ARNT2: variants seen among roughly 807,000 people sequenced by gnomAD.
ARNT2 encodes ARNT protein 2.
Under a neutral mutation model 91.7 loss-of-function variants are expected in ARNT2, and 36 were observed. The observed-to-expected ratio is 0.39, with a 90% CI of 0.30 to 0.52. ARNT2 has a LOEUF of 0.52. Among genes scored for constraint, ARNT2 ranks in the 20% least tolerant of loss-of-function variants. The probability of loss-of-function intolerance (pLI) is 0.72; values close to 1 mark genes in which losing one functional copy is unlikely to be tolerated. For missense variants in ARNT2, 775 were observed against 939.3 expected, an observed-to-expected ratio of 0.83 and a Z score of 2.29; for synonymous variants, 365 against 347.1, an observed-to-expected ratio of 1.05 and a Z score of -0.57.
chr15:80,470,796 A>G (rs1342093332), intron 4 of ARNT2, among the ~76,000 whole-genome samples: 1 of 152,246 alleles, frequency 6.6e-6, no homozygotes, highest in African/African-American at 2.4e-5. Context: ...ATCACTGATC[A>G]TTAGAGAAGT....
rs112351171 is a variant in ARNT2, at chr15:80,580,046, C to A, written c.1614-365C>A. The stretch of plus-strand genomic sequence containing the variant: ...ACAAAAGAGTGAGTGAACAGTGGGA[C>A]TGATTTTTATTCTAAGAAGCTTCTC... On this transcript the variant is annotated intron_variant, in intron 15 of 18. Transcript: ENST00000303329. 1.6e-3 allele frequency: 297 copies of A among 190,766 alleles called. 2 individuals carry two copies. The highest frequency in any genetic ancestry group is 6.2e-3 in the African/African-American group (273 of 43,854). The allele number at this position is 190,766 out of a possible 1,614,324, so 11.8% of individuals were successfully genotyped here.
intron 3 of ARNT2, among the ~76,000 whole-genome samples, chr15:80,469,525 A>G (rs989359291): frequency 2.0e-5 from 3 of 150,600 alleles, no homozygotes; most frequent in African/African-American, 7.3e-5. Flanking sequence ...ACATACTTAT[A>G]TTTATATATT....
intron 11 of ARNT2, chr15:80,560,077 C>T (rs1038222490): frequency 2.6e-5 from 4 of 152,370 alleles, no homozygotes; most frequent in African/African-American, 9.6e-5. Flanking sequence ...GTTCCAAACC[C>T]CATTTCCCTC....
At chr15:80,570,712 T>C (rs1898568274) in intron 12 of ARNT2, among the ~76,000 whole-genome samples, 1 of 152,180 alleles carries the variant, frequency 6.6e-6, no homozygotes, top group Non-Finnish European at 1.5e-5. Context: ...TAGAACCTTG[T>C]TCTTCCTGAG....
At chr15:80,551,403 A>C in intron 9 of ARNT2, 128 bp downstream of exon 9, 5 of 846,730 alleles carry the variant, frequency 5.9e-6, no homozygotes, top group Non-Finnish European at 7.4e-6. Flanking sequence ...TTCGTGTCTC[A>C]CTCTGTGGGA....
chr15:80,556,377 A>G (rs1898189653), intron 11 of ARNT2: 1 of 152,266 alleles, frequency 6.6e-6, no homozygotes, highest in Non-Finnish European at 1.5e-5. Context: ...AAACCACTTT[A>G]GTAGCCCAGG....
chr15:80,503,011 G>A (rs1897221812), intron 5 of ARNT2, among the ~76,000 whole-genome samples: 1 of 152,230 alleles, frequency 6.6e-6, no homozygotes, highest in Non-Finnish European at 1.5e-5. Context: ...GAAGGAGCCA[G>A]CCTTGGCTGG....
At chr15:80,546,423 C>G (rs564900265) in intron 8 of ARNT2, among the ~76,000 whole-genome samples, 21 of 152,304 alleles carry the variant, frequency 1.4e-4, no homozygotes, top group African/African-American at 4.6e-4. Flanking sequence ...AGGCACATTG[C>G]CGCTCTGAAT....
intron 8 of ARNT2, among the ~76,000 whole-genome samples, chr15:80,538,826 TC>T (rs1378457261): frequency 4.0e-5 from 6 of 151,672 alleles, no homozygotes; most frequent in African/African-American, 7.3e-5. Context: ...AAAGAGAAAA[TC>T]CCTGACAAGT....
chr15:80,584,229 C>A (rs944693468), intron 17 of ARNT2, among the ~76,000 whole-genome samples: 6 of 152,112 alleles, frequency 3.9e-5, no homozygotes, highest in African/African-American at 1.2e-4. Flanking sequence ...CCAGTGCAGG[C>A]AGAGGGGACC....
chr15:80,554,742 A>G (rs1348214506), intron 10 of ARNT2: 1 of 210,260 alleles, frequency 4.8e-6, no homozygotes, highest in African/African-American at 2.3e-5. Context: ...CTTTCTTTTT[A>G]TGTTATTAAA....
intron 11 of ARNT2, chr15:80,556,157 G>A (rs146213948): frequency 0.041 from 6,227 of 152,310 alleles, 154 homozygotes; most frequent in East Asian, 0.14. Flanking sequence ...GGGGGCGGGC[G>A]CCTGTAATCC....
At chr15:80,415,623 G>A (rs972531932) in intron 1 of ARNT2, among the ~76,000 whole-genome samples, 1 of 152,310 alleles carries the variant, frequency 6.6e-6, no homozygotes, top group East Asian at 1.9e-4. Flanking sequence ...GGAAGTCCAC[G>A]TGAGGGACGT....
chr15:80,514,471 G>A (rs1489654218), intron 8 of ARNT2, 66 bp downstream of exon 8: 1 of 1,361,836 alleles, frequency 7.3e-7, no homozygotes, highest in Non-Finnish European at 1.0e-6. Flanking sequence ...ATGGTGTCCT[G>A]TTAGAGAAGT....
At position 80,554,777 on chromosome 15, in the gene ARNT2, C is replaced by T. The variant is rs184854022; in HGVS notation, c.1090-288C>T. 6.6e-4 allele frequency: 202 copies of T among 304,292 alleles called. 3 individuals carry two copies. The East Asian group carries it at 9.9e-3, about 15-fold the overall frequency. The allele number at this position is 304,292 out of a possible 1,614,324, so 18.8% of individuals were successfully genotyped here. On this transcript the variant is annotated intron_variant, in intron 10 of 18. Coordinates refer to ENST00000303329, the MANE Select transcript of ARNT2 (RefSeq NM_014862.4). ...AGTATGTTTATTGCAGTTTGCCTCT[C>T]CAAGACAAACAAAAATAAAATTGCA...
At position 80,496,772 on chromosome 15, in the gene ARNT2, A is replaced by G. The variant is rs1566987297; in HGVS notation, c.623-11384A>G. 2.0e-5 allele frequency among the ~76,000 whole-genome samples: 3 copies of G among 152,220 alleles called. No individual in the cohort carries two copies. In the South Asian group the frequency reaches 6.2e-4, roughly 32 times the overall value. Reference sequence around the variant, plus strand: ...TGCTTTGTTAGGCTTGAGGGGTAGAATTACTTGTAGAGAAAAGCATTAGTT... The same window carrying G: ...TGCTTTGTTAGGCTTGAGGGGTAGAGTTACTTGTAGAGAAAAGCATTAGTT... On this transcript the variant is annotated intron_variant, in intron 5 of 18. Transcript: ENST00000303329.
chr15:80,443,696 G>A lies in ARNT2; in HGVS notation c.32-7184G>A, dbSNP rs117969959. On this transcript the variant is annotated intron_variant, in intron 1 of 18. Transcript: ENST00000303329. Reference sequence around the variant, plus strand: ...GGAAGAGGGGCCTGAGGCAGGAGGTGAAGGACGTGGTCCTGGAAAACCAGG... The same window carrying A: ...GGAAGAGGGGCCTGAGGCAGGAGGTAAAGGACGTGGTCCTGGAAAACCAGG... Among the ~76,000 whole-genome samples the A allele has an allele frequency of 1.0e-2, 1,523 of 152,328 alleles. 13 individuals carry two copies. The highest frequency in any genetic ancestry group is 0.029 in the Admixed American group (448 of 15,304).
At chr15:80,557,569 A>G (rs1286685317) in intron 11 of ARNT2, among the ~76,000 whole-genome samples, 2 of 152,152 alleles carry the variant, frequency 1.3e-5, no homozygotes, top group Non-Finnish European at 2.9e-5. Flanking sequence ...GAGTTTACCT[A>G]TGTAACAACT....
intron 1 of ARNT2, among the ~76,000 whole-genome samples, chr15:80,450,267 A>G (rs1174869439): frequency 6.6e-6 from 1 of 152,248 alleles, no homozygotes; most frequent in East Asian, 1.9e-4. Context: ...CTGGAGATCC[A>G]GGAAGCCTCA....
Sources: gnomAD v4.1 joint callset for allele counts (sites outside exome capture counted in the v4.1 genomes callset) on GRCh38, gnomAD v4.1.1 for gene constraint, MANE v1.5 for transcripts, NCBI Gene and HGNC (gene_info 2026-07-23, HGNC 2026-07-21) for gene names.